Variants in NCAPH2 observed in about 807,000 individuals in gnomAD.
NCAPH2 encodes condensin-2 complex subunit H2.
A neutral mutation model predicts 88.6 loss-of-function variants in NCAPH2; 56 were observed. That is an observed-to-expected ratio of 0.63 (90% CI 0.51 to 0.79). NCAPH2 has a LOEUF of 0.79. Among genes scored for constraint, NCAPH2 ranks in the 30% least tolerant of loss-of-function variants. The pLI is 0.00. For synonymous variants in NCAPH2, 378 were observed against 313.6 expected, an observed-to-expected ratio of 1.21 and a Z score of -2.17; for missense variants, 794 against 792.0, an observed-to-expected ratio of 1.00 and a Z score of -0.03.
chr22:50,524,594 TCCACACCTGGGCAA>T lies in NCAPH2; in HGVS notation c.*1229_*1242del, dbSNP rs1354252125. ...CTCAGAACTCCACCTCCACCAAACATCCACACCTGGGCAACCACACCTGTCACTCCTGTCCTCTA... is the reference window on the plus strand; with the variant it reads ...CTCAGAACTCCACCTCCACCAAACATCCACACCTGTCACTCCTGTCCTCTA... On this transcript the variant is annotated 3_prime_UTR_variant, in exon 20 of 20. Transcript: ENST00000420993. 4 of 723,802 alleles carry T rather than the reference TCCACACCTGGGCAA, an allele frequency of 5.5e-6. No individual in the cohort carries two copies. The highest frequency in any genetic ancestry group is 3.5e-5 in the African/African-American group (2 of 57,180). 44.8% of individuals were successfully genotyped at this position (723,802 alleles called of 1,614,324 possible).
At chr22:50,521,643 C>A (rs749286907) in intron 11 of NCAPH2, 34 bp downstream of exon 11, 67 of 1,612,960 alleles carry the variant, frequency 4.2e-5, no homozygotes, top group Admixed American at 3.5e-4. Context: ...ACTCAGGTAC[C>A]CCTGGCTGGG....
chr22:50,517,302 G>C (rs1273265108), intron 2 of NCAPH2, 125 bp from the exon 3 acceptor site: 1 of 947,246 alleles, frequency 1.1e-6, no homozygotes, highest in Non-Finnish European at 1.7e-6. Context: ...CAAAATTGGT[G>C]GTTTCTTGTA....
Position 50,524,733 on chromosome 22 carries a change from T to C in NCAPH2, c.*1358T>C. The C allele has an allele frequency of 1.8e-6, 1 of 560,914 alleles. No homozygotes were observed. Among genetic ancestry groups the C allele is most frequent in the Non-Finnish European group, 3.5e-6 (1 of 286,122 alleles). 34.7% of individuals were successfully genotyped at this position (560,914 alleles called of 1,614,324 possible). The stretch of plus-strand genomic sequence containing the variant: ...AAGCATTCCAAGTGCATGCCTTGCC[T>C]GAACTAACCACGTTATCTATTTGCA... On this transcript the variant is annotated 3_prime_UTR_variant, in exon 20 of 20. Transcript: ENST00000420993.
chr22:50,522,452 C>G, intron 15 of NCAPH2, 37 bp downstream of exon 15: 1 of 1,613,082 alleles, frequency 6.2e-7, no homozygotes, highest in Non-Finnish European at 8.5e-7. Flanking sequence ...GGGCTTGGCA[C>G]CTGCCGACTA....
chr22:50,520,073 T>C (rs1488020411), intron 9 of NCAPH2, among the ~76,000 whole-genome samples: 1 of 151,924 alleles, frequency 6.6e-6, no homozygotes, highest in Non-Finnish European at 1.5e-5. Context: ...GGTTTCACCA[T>C]GTTGGCCAGG....
At chr22:50,520,045 T>C (rs2069043439) in intron 9 of NCAPH2, among the ~76,000 whole-genome samples, 3 of 151,846 alleles carry the variant, frequency 2.0e-5, no homozygotes, top group African/African-American at 7.3e-5. Context: ...TAATTTTTTG[T>C]ATTTTTAGTA....
At chr22:50,521,197 C>T (rs2069079444) in intron 10 of NCAPH2, among the ~76,000 whole-genome samples, 161 bp downstream of exon 10, 1 of 152,210 alleles carries the variant, frequency 6.6e-6, no homozygotes, top group African/African-American at 2.4e-5. Flanking sequence ...ACTCTGGGCT[C>T]CCACCCTCTC....
In NCAPH2 at chr22:50,517,812, G is replaced by A; in HGVS notation, c.420+3G>A. The A allele has an allele frequency of 6.2e-7, 1 of 1,613,814 alleles. No homozygotes were observed. The highest frequency in any genetic ancestry group is 8.5e-7 in the Non-Finnish European group (1 of 1,179,970). On this transcript the variant is annotated splice_donor_region_variant and intron_variant, in intron 5 of 19. Transcript: ENST00000420993. ...TCAAGAATGATCAGACGCCCAGTGT[G>A]AGTCCTGGCCTGGCCCCTCTTAGGC...
intron 8 of NCAPH2, 148 bp downstream of exon 8, chr22:50,518,880 G>C: frequency 1.2e-6 from 1 of 859,968 alleles, no homozygotes; most frequent in Non-Finnish European, 1.7e-6. Flanking sequence ...GCCTCGCCCC[G>C]GGGAAGCAGC....
chr22:50,510,057 G>C (rs928343835), intron 1 of NCAPH2, among the ~76,000 whole-genome samples: 1 of 152,090 alleles, frequency 6.6e-6, no homozygotes, highest in African/African-American at 2.4e-5. Context: ...CAGTAGCTGG[G>C]ACTACAGGCG....
Position 50,523,027 on chromosome 22 carries a change from T to C in NCAPH2, c.1538T>C (p.Val513Ala). The change falls in exon 19 of 20, where the codon GTG becomes GCG. Residue 513 changes from valine (V) to alanine (A), a missense_variant. Physicochemically the swap from Val to Ala is moderately conservative, Grantham distance 64 (BLOSUM62 0). This residue lies in a region of NCAPH2 where 735 missense variants were observed against 696.3 expected (regional missense o/e 1.06). Coordinates refer to ENST00000420993, the MANE Select transcript of NCAPH2 (RefSeq NM_152299.4). Reference sequence around the variant, plus strand: ...CCCTCCCCTGTGCAGGAGCAGCATGTGCCCTTTGACATCCACACCTATGGG... The same window carrying C: ...CCCTCCCCTGTGCAGGAGCAGCATGCGCCCTTTGACATCCACACCTATGGG... ...QPLLQEQEQH[V>A]PFDIHTYGDQ... The C allele has an allele frequency of 6.2e-7, 1 of 1,601,482 alleles. No individual in the cohort carries two copies. The highest frequency in any genetic ancestry group is 8.5e-7 in the Non-Finnish European group (1 of 1,171,814).
chr22:50,520,084 A>G (rs1436041683), intron 9 of NCAPH2, among the ~76,000 whole-genome samples: 1 of 151,580 alleles, frequency 6.6e-6, no homozygotes, highest in Non-Finnish European at 1.5e-5. Context: ...GTTGGCCAGG[A>G]TGGTCTCAAT....
chr22:50,523,550 A>G lies in NCAPH2; in HGVS notation c.*175A>G. On this transcript the variant is annotated 3_prime_UTR_variant, in exon 20 of 20. Transcript: ENST00000420993. ...TGGCCTCCCTGGGCCGCTGGTACAG[A>G]TCACACACACACACAGATTAAACGC... 6.3e-7 allele frequency: 1 copy of G among 1,592,132 alleles called. No individual in the cohort carries two copies. The highest frequency in any genetic ancestry group is 8.6e-7 in the Non-Finnish European group (1 of 1,166,896).
At position 50,524,419 on chromosome 22, in the gene NCAPH2, A is replaced by T; in HGVS notation, c.*1044A>T. The T allele has an allele frequency of 6.2e-7, 1 of 1,608,392 alleles. No individual in the cohort carries two copies. Among genetic ancestry groups the T allele is most frequent in the South Asian group, 1.1e-5 (1 of 91,030 alleles). On this transcript the variant is annotated 3_prime_UTR_variant, in exon 20 of 20. Transcript: ENST00000420993. The stretch of plus-strand genomic sequence containing the variant: ...CCGAGTCAGCAGCAGCATGGATCTG[A>T]TGCTCCTGGAAACAAGCACAGGCGT...
intron 11 of NCAPH2, 24 bp downstream of exon 11, chr22:50,521,633 A>G: frequency 6.2e-7 from 1 of 1,611,288 alleles, no homozygotes; most frequent in Non-Finnish European, 8.5e-7. Flanking sequence ...AGGTACCTCC[A>G]CTCAGGTACC....
chr22:50,522,909 T>C lies in NCAPH2; in HGVS notation c.1514T>C (p.Leu505Pro). ...IRDWEDTVQP[L>P]LQEQEQHVPF... The stretch of plus-strand genomic sequence containing the variant: ...GACTGGGAGGACACAGTGCAGCCTC[T>C]GCTCCAGGAGCAGGTGAGGCGGGGC... Residue 505 changes from leucine to proline, a missense_variant, in exon 18 of 20, where the codon CTG becomes CCG. By Grantham distance (98) the Leu-to-Pro change is moderately conservative. This residue lies in a region of NCAPH2 where 735 missense variants were observed against 696.3 expected (regional missense o/e 1.06). Coordinates refer to ENST00000420993, the MANE Select transcript of NCAPH2 (RefSeq NM_152299.4). 6.2e-7 allele frequency: 1 copy of C among 1,613,298 alleles called. No individual in the cohort carries two copies. Among genetic ancestry groups the C allele is most frequent in the Non-Finnish European group, 8.5e-7 (1 of 1,179,990 alleles).
intron 6 of NCAPH2, 28 bp downstream of exon 6, chr22:50,518,080 G>T: frequency 1.9e-6 from 3 of 1,613,554 alleles, no homozygotes; most frequent in Non-Finnish European, 2.5e-6. Flanking sequence ...GCGACGGGGA[G>T]GGAGGCCTGC....
At chr22:50,519,618 G>A (rs1010301429) in intron 9 of NCAPH2, 8 of 1,221,594 alleles carry the variant, frequency 6.5e-6, no homozygotes, top group African/African-American at 3.1e-5. Context: ...TTGCCAAGGC[G>A]CCTCTCTGCA....
In NCAPH2 at chr22:50,523,567, A is replaced by C. The variant is rs2069182259; in HGVS notation, c.*192A>C. Reference sequence around the variant, plus strand: ...TGGTACAGATCACACACACACACAGATTAAACGCAGCCCGTTTAATGATGG... The same window carrying C: ...TGGTACAGATCACACACACACACAGCTTAAACGCAGCCCGTTTAATGATGG... On this transcript the variant is annotated 3_prime_UTR_variant, in exon 20 of 20. Transcript: ENST00000420993. 6.2e-7 allele frequency: 1 copy of C among 1,604,940 alleles called. No homozygotes were observed. Among genetic ancestry groups the C allele is most frequent in the South Asian group, 1.1e-5 (1 of 90,560 alleles).
Sources: allele counts gnomAD v4.1 joint callset (sites outside exome capture counted in the v4.1 genomes callset), GRCh38; gene constraint gnomAD v4.1.1; regional missense constraint gnomAD v4.1.1; transcripts MANE v1.5; gene names NCBI Gene and HGNC (gene_info 2026-07-23, HGNC 2026-07-21).